The following EXOC4 variants were observed in gnomAD, a reference collection of about 807,000 sequenced individuals.
EXOC4 encodes exocyst complex component 4, also known as SEC8-like 1.
Under a neutral mutation model 107.2 loss-of-function variants are expected in EXOC4, and 71 were observed. The ratio of observed to expected loss-of-function variants is 0.66; its 90% CI spans 0.55 to 0.81. EXOC4 has a LOEUF of 0.81. Ranked by LOEUF, EXOC4 falls within the 30% of genes least tolerant of loss-of-function variation. EXOC4 has a pLI of 0.00. For missense variants in EXOC4, 1,108 were observed against 1,189.6 expected (o/e 0.93, Z 1.01); for synonymous variants, 456 against 441.2 (o/e 1.03, Z -0.42).
At chr7:133,907,941 G>A (rs552098341) in intron 12 of EXOC4, among the ~76,000 whole-genome samples, 2 of 152,316 alleles carry the variant, frequency 1.3e-5, no homozygotes, top group Admixed American at 1.3e-4. Flanking sequence ...CCACACACCT[G>A]TCTGCAGTAT....
chr7:133,349,322 C>G (rs928750070), intron 5 of EXOC4, among the ~76,000 whole-genome samples: 2 of 152,072 alleles, frequency 1.3e-5, no homozygotes, highest in African/African-American at 4.8e-5. Context: ...CCCCATACCC[C>G]TCTTCTCCCA....
At chr7:133,496,143 TTTG>T (rs920180439) in intron 9 of EXOC4, among the ~76,000 whole-genome samples, 17 of 152,114 alleles carry the variant, frequency 1.1e-4, no homozygotes, top group South Asian at 4.2e-4. Context: ...TACAGCATTT[TTTG>T]TTGTTGTTGT....
chr7:134,043,345 T>C (rs1795568021), intron 17 of EXOC4, among the ~76,000 whole-genome samples: 2 of 152,098 alleles, frequency 1.3e-5, no homozygotes, highest in African/African-American at 2.4e-5. Context: ...TGGGATTTTT[T>C]CCCCCAAGCA....
intron 10 of EXOC4, among the ~76,000 whole-genome samples, chr7:133,640,872 CT>C (rs1167096987): frequency 4.3e-4 from 6 of 14,038 alleles, no homozygotes; most frequent in South Asian, 4.5e-3. Flanking sequence ...CTCTCTCTCT[CT>C]TTTTTTTTTT....
At chr7:133,938,091 G>A (rs1453104852) in intron 14 of EXOC4, 22 bp downstream of exon 14, 3 of 1,613,142 alleles carry the variant, frequency 1.9e-6, no homozygotes, top group East Asian at 4.5e-5. Context: ...GTAGGAAGCT[G>A]TTGTGGGGAC....
At chr7:133,522,526 G>A (rs750617730) in intron 9 of EXOC4, among the ~76,000 whole-genome samples, 2 of 151,914 alleles carry the variant, frequency 1.3e-5, no homozygotes, top group Non-Finnish European at 2.9e-5. Flanking sequence ...CATATATAGC[G>A]CATTGGGGGA....
chr7:133,553,430 A>G (rs1362121502), intron 9 of EXOC4, among the ~76,000 whole-genome samples: 2 of 151,644 alleles, frequency 1.3e-5, no homozygotes, highest in Non-Finnish European at 1.5e-5. Flanking sequence ...CCACCTGTCT[A>G]CTCTTGTAGC....
chr7:133,740,480 G>A (rs1026088480), intron 10 of EXOC4, among the ~76,000 whole-genome samples: 1 of 152,116 alleles, frequency 6.6e-6, no homozygotes, highest in Non-Finnish European at 1.5e-5. Flanking sequence ...ACACTGCTCA[G>A]GAGAGTCTCT....
In EXOC4 at chr7:133,597,022, G is replaced by C. The variant is rs116643502; in HGVS notation, c.1418-33023G>C. Among the ~76,000 whole-genome samples, 539 of 152,200 alleles carry C rather than the reference G, an allele frequency of 3.5e-3. 3 individuals are homozygous for C. Among genetic ancestry groups the C allele is most frequent in the Non-Finnish European group, 6.4e-3 (436 of 68,002 alleles). ...TTGACAGCCAAATTTTTAGTTTGTC[G>C]TCTTCAGTATATGTGGAATATCCCC... On this transcript the variant is annotated intron_variant, in intron 9 of 17. Coordinates refer to ENST00000253861, the MANE Select transcript of EXOC4 (RefSeq NM_021807.4).
At chr7:133,590,761 A>G (rs1044654415) in intron 9 of EXOC4, among the ~76,000 whole-genome samples, 1 of 152,182 alleles carries the variant, frequency 6.6e-6, no homozygotes, top group Non-Finnish European at 1.5e-5. Context: ...TTCGTCAGTA[A>G]TAAAATCCCT....
chr7:133,716,943 A>G (rs563898221), intron 10 of EXOC4, among the ~76,000 whole-genome samples: 223 of 152,288 alleles, frequency 1.5e-3, no homozygotes, highest in African/African-American at 5.1e-3. Context: ...CATCTTAACA[A>G]AAAGAAAAAA....
chr7:133,855,132 T>TAA lies in EXOC4; in HGVS notation c.1734+37589_1734+37590insAA, dbSNP rs1563028623. Among the ~76,000 whole-genome samples the TAA allele has an allele frequency of 6.3e-3, 446 of 70,338 alleles. 9 individuals are homozygous for TAA. Among genetic ancestry groups the TAA allele is most frequent in the Middle Eastern group, 0.035 (5 of 144 alleles). 46.1% of individuals were successfully genotyped at this position (70,338 alleles called of 152,430 possible). On this transcript the variant is annotated intron_variant, in intron 11 of 17. Coordinates refer to ENST00000253861, the MANE Select transcript of EXOC4 (RefSeq NM_021807.4). The stretch of plus-strand genomic sequence containing the variant: ...ATATATAAATATATATATATAAATA[T>TAA]ATATATATATAAATATATATATAAA...
intron 10 of EXOC4, among the ~76,000 whole-genome samples, chr7:133,740,340 G>A (rs1255406547): frequency 6.6e-6 from 1 of 152,114 alleles, no homozygotes; most frequent in Non-Finnish European, 1.5e-5. Flanking sequence ...TTATATATGA[G>A]TCTGCATGAA....
At chr7:133,993,496 T>C (rs1444925834) in intron 14 of EXOC4, among the ~76,000 whole-genome samples, 1 of 151,870 alleles carries the variant, frequency 6.6e-6, no homozygotes, top group African/African-American at 2.4e-5. Flanking sequence ...TGGGAGAGAG[T>C]TGAAAGAAGA....
chr7:133,663,241 A>G (rs1343696353), intron 10 of EXOC4, among the ~76,000 whole-genome samples: 1 of 151,890 alleles, frequency 6.6e-6, no homozygotes, highest in Non-Finnish European at 1.5e-5. Flanking sequence ...CTCCTGCCTC[A>G]TTGTCTCCTC....
At chr7:133,634,716 A>G (rs1802666491) in intron 10 of EXOC4, among the ~76,000 whole-genome samples, 1 of 152,132 alleles carries the variant, frequency 6.6e-6, no homozygotes, top group Admixed American at 6.5e-5. Flanking sequence ...AACTCCTAAC[A>G]GGTGATCCGC....
intron 6 of EXOC4, among the ~76,000 whole-genome samples, chr7:133,357,708 A>G (rs1796052591): frequency 6.6e-6 from 1 of 152,226 alleles, no homozygotes; most frequent in African/African-American, 2.4e-5. Context: ...AGTTCTCTAT[A>G]GACTTATTTA....
chr7:133,692,088 G>C (rs760493840), intron 10 of EXOC4, among the ~76,000 whole-genome samples: 1 of 152,136 alleles, frequency 6.6e-6, no homozygotes, highest in Non-Finnish European at 1.5e-5. Context: ...CATAAATAGT[G>C]AGGCTATGGA....
chr7:133,680,791 A>G (rs1283387004), intron 10 of EXOC4, among the ~76,000 whole-genome samples: 3 of 152,182 alleles, frequency 2.0e-5, no homozygotes, highest in Non-Finnish European at 2.9e-5. Flanking sequence ...CGAAGCAAAG[A>G]GAGTAGAGAA....
Sources: allele counts gnomAD v4.1 joint callset (sites outside exome capture counted in the v4.1 genomes callset), GRCh38; gene constraint gnomAD v4.1.1; transcripts MANE v1.5; gene names NCBI Gene and HGNC (gene_info 2026-07-23, HGNC 2026-07-21).